Variants in GCC2 observed in about 807,000 individuals in gnomAD.
GCC2 encodes the protein GRIP and coiled-coil domain-containing protein 2.
GCC2 carries 120 observed loss-of-function variants against 210.6 expected under a neutral mutation model. The ratio of observed to expected loss-of-function variants is 0.57; its 90% CI spans 0.49 to 0.66. The LOEUF is 0.66. Among genes scored for constraint, GCC2 ranks in the 30% least tolerant of loss-of-function variants. The pLI is 0.00. For synonymous variants in GCC2, 703 were observed against 652.7 expected, an observed-to-expected ratio of 1.08 and a Z score of -1.17; for missense variants, 1,868 against 1,871.9, an observed-to-expected ratio of 1.00 and a Z score of 0.04.
chr2:108,471,865 GAGTT>G lies in GCC2; in HGVS notation c.2539_2542del (p.Leu847LysfsTer15), dbSNP rs781183137. 5 of 1,612,156 alleles carry G rather than the reference GAGTT, an allele frequency of 3.1e-6. No homozygotes were observed. Among genetic ancestry groups the G allele is most frequent in the Admixed American group, 1.7e-5 (1 of 59,550 alleles). ...GCAAGAGAAAGTTCTCTTAAGGAAAGAGTTAGAAGAAATACAGTCAGAAAAAGAG... is the reference window on the plus strand; with the variant it reads ...GCAAGAGAAAGTTCTCTTAAGGAAAGAGAAGAAATACAGTCAGAAAAAGAG... On this transcript the variant is annotated frameshift_variant, in exon 6 of 23. Coordinates refer to ENST00000309863, the MANE Select transcript of GCC2 (RefSeq NM_181453.4). LOFTEE classifies it high-confidence loss of function.
intron 4 of GCC2, among the ~76,000 whole-genome samples, chr2:108,467,001 A>G (rs1680929662): frequency 6.6e-6 from 1 of 152,144 alleles, no homozygotes; most frequent in Non-Finnish European, 1.5e-5. Context: ...CTTTGCTGAT[A>G]CTATATTGTC....
chr2:108,449,351 C>G lies in GCC2; in HGVS notation c.6+71C>G, dbSNP rs1195128268. The G allele has an allele frequency of 4.6e-6, 7 of 1,521,442 alleles. No individual in the cohort carries two copies. The African/African-American group carries it at 9.7e-5, about 21-fold the overall frequency. 94.2% of individuals were successfully genotyped at this position (1,521,442 alleles called of 1,614,324 possible). Reference sequence around the variant, plus strand: ...GCGATTTGGGATGTGGGAGTGGGCCCGATGGGAGGGCGCGGTAGTCTCCCT... The same window carrying G: ...GCGATTTGGGATGTGGGAGTGGGCCGGATGGGAGGGCGCGGTAGTCTCCCT... On this transcript the variant is annotated intron_variant, in intron 1 of 22. Coordinates refer to ENST00000309863, the MANE Select transcript of GCC2 (RefSeq NM_181453.4).
At chr2:108,506,071 C>A (rs1442846541) in intron 22 of GCC2, among the ~76,000 whole-genome samples, 1 of 152,026 alleles carries the variant, frequency 6.6e-6, no homozygotes, top group Non-Finnish European at 1.5e-5. Flanking sequence ...TATGCACAAA[C>A]CTTGTGAATA....
At chr2:108,467,480 TA>T (rs1328182625) in intron 4 of GCC2, among the ~76,000 whole-genome samples, 3 of 152,172 alleles carry the variant, frequency 2.0e-5, no homozygotes, top group South Asian at 4.1e-4. Flanking sequence ...CCTCATGTCT[TA>T]TTTTTTTATT....
At position 108,454,059 on chromosome 2, in the gene GCC2, C is replaced by T. The variant is rs539016283; in HGVS notation, c.216+1593C>T. On this transcript the variant is annotated intron_variant, in intron 4 of 22. Transcript: ENST00000309863. Reference sequence around the variant, plus strand: ...AGGCTGGAGTGCAGTGGCACAATCTCGGCTCACCGCAAGCTCCGCCTCCTG... The same window carrying T: ...AGGCTGGAGTGCAGTGGCACAATCTTGGCTCACCGCAAGCTCCGCCTCCTG... 1.4e-4 allele frequency among the ~76,000 whole-genome samples: 21 copies of T among 152,220 alleles called. 1 individual carries two copies. The South Asian group carries it at 3.9e-3, about 29-fold the overall frequency.
At chr2:108,507,031 TGTTAA>T (rs1023615441) in intron 22 of GCC2, among the ~76,000 whole-genome samples, 1 of 151,962 alleles carries the variant, frequency 6.6e-6, no homozygotes, top group Non-Finnish European at 1.5e-5. Flanking sequence ...GAAAATTAGC[TGTTAA>T]GTTGGCTCAA....
At chr2:108,501,888 A>G (rs1682944114) in intron 22 of GCC2, among the ~76,000 whole-genome samples, 1 of 152,152 alleles carries the variant, frequency 6.6e-6, no homozygotes, top group African/African-American at 2.4e-5. Context: ...TCTAATGATG[A>G]AGGAGGAATG....
chr2:108,469,973 C>T lies in GCC2; in HGVS notation c.644C>T (p.Thr215Ile), dbSNP rs1043247481. 6.2e-7 allele frequency: 1 copy of T among 1,612,902 alleles called. No homozygotes were observed. The highest frequency in any genetic ancestry group is 1.7e-5 in the Admixed American group (1 of 59,958). The change falls in exon 6 of 23, where the codon ACA becomes ATA. Residue 215 changes from threonine (T) to isoleucine (I), a missense_variant. This residue lies in a region of GCC2 where 1,847 missense variants were observed against 1,765.2 expected (regional missense o/e 1.05). Coordinates refer to ENST00000309863, the MANE Select transcript of GCC2 (RefSeq NM_181453.4). The part of the protein sequence containing the change: ...LDATTDEKKE[T>I]VTQLQNIIEA... ...GCTACCACTGATGAAAAGAAGGAAA[C>T]AGTTACTCAACTCCAAAATATCATT...
At position 108,508,883 on chromosome 2, in the gene GCC2, A is replaced by G. The variant is rs1043662482; in HGVS notation, c.*1253A>G. ...CTCTCTGAAGTTCTCTTAAGCCTTC[A>G]GTTTATACTCTTAATTTAATTTTCT... On this transcript the variant is annotated 3_prime_UTR_variant, in exon 23 of 23. Coordinates refer to ENST00000309863, the MANE Select transcript of GCC2 (RefSeq NM_181453.4). 1.7e-4 allele frequency: 26 copies of G among 152,648 alleles called. No individual in the cohort carries two copies. Among genetic ancestry groups the G allele is most frequent in the South Asian group, 1.7e-3 (8 of 4,832 alleles). The allele number at this position is 152,648 out of a possible 1,614,324, so 9.5% of individuals were successfully genotyped here.
chr2:108,505,830 T>C (rs1224885073), intron 22 of GCC2, among the ~76,000 whole-genome samples: 1 of 152,180 alleles, frequency 6.6e-6, no homozygotes, highest in Admixed American at 6.5e-5. Context: ...CTTTGTAATT[T>C]GTTACGCAGC....
In GCC2 at chr2:108,470,288, T is replaced by TGC; in HGVS notation, c.960_961dup (p.Gln321ArgfsTer7). On this transcript the variant is annotated frameshift_variant, in exon 6 of 23. Coordinates refer to ENST00000309863, the MANE Select transcript of GCC2 (RefSeq NM_181453.4). LOFTEE classifies it high-confidence loss of function. ...GACAATCAGATATGTTCTATTCTCT[T>TGC]GCAAGAAAATACATTTGTAGAACAA... 6.2e-7 allele frequency: 1 copy of TGC among 1,613,274 alleles called. No individual in the cohort carries two copies. Among genetic ancestry groups the TGC allele is most frequent in the Non-Finnish European group, 8.5e-7 (1 of 1,179,698 alleles).
rs762001026 is a variant in GCC2, at chr2:108,489,880, A to T, written c.4095A>T (p.Leu1365Phe). The T allele has an allele frequency of 2.2e-5, 35 of 1,608,474 alleles. No homozygotes were observed. The highest frequency in any genetic ancestry group is 2.8e-5 in the Non-Finnish European group (33 of 1,177,690). The change falls in exon 18 of 23, where the codon TTA (leucine) becomes TTT (phenylalanine). Residue 1365 changes from leucine (L) to phenylalanine (F), a missense_variant. Physicochemically the swap from Leu to Phe is conservative, Grantham distance 22 (BLOSUM62 0). This residue lies in a region of GCC2 where 1,847 missense variants were observed against 1,765.2 expected (regional missense o/e 1.05). Coordinates refer to ENST00000309863, the MANE Select transcript of GCC2 (RefSeq NM_181453.4). ...TGATTGACCAGCTAAAAATCAAATT[A>T]CAAGATAGCCAAAATAACTTACAGA... The part of the protein sequence containing the change: ...EMLIDQLKIK[L>F]QDSQNNLQIN...
chr2:108,449,804 C>G, intron 2 of GCC2, 115 bp downstream of exon 2: 3 of 734,976 alleles, frequency 4.1e-6, no homozygotes, highest in Non-Finnish European at 4.6e-6. Flanking sequence ...TAGCCTTGCT[C>G]CAAGGGATCT....
intron 19 of GCC2, chr2:108,493,377 T>C (rs1293101366): frequency 1.5e-5 from 14 of 954,732 alleles, no homozygotes; most frequent in Non-Finnish European, 1.7e-5. Context: ...CATGAGCCAC[T>C]GCGCCTGGCC....
intron 4 of GCC2, among the ~76,000 whole-genome samples, chr2:108,468,388 C>T (rs1030088157): frequency 6.6e-6 from 1 of 152,146 alleles, no homozygotes; most frequent in Non-Finnish European, 1.5e-5. Context: ...CTTCCTTTTA[C>T]ACTGTATTAT....
At chr2:108,487,896 TATG>T in intron 17 of GCC2, 76 bp downstream of exon 17, 2 of 1,302,552 alleles carry the variant, frequency 1.5e-6, no homozygotes, top group Non-Finnish European at 1.1e-6. Flanking sequence ...AAAATCCTAT[TATG>T]ATTTTTTTTT....
rs769829080 is a variant in GCC2 at position 108,483,186 on chromosome 2, T to C, written c.3450+20T>C. On this transcript the variant is annotated intron_variant, in intron 12 of 22. Transcript: ENST00000309863. ...AAAAAGGTAAAATAAAACACTAGGA[T>C]CAAAATTGATGTAATATTCACATTG... 1 of 1,094,458 alleles carries C rather than the reference T, an allele frequency of 9.1e-7. No individual in the cohort carries two copies. The highest frequency in any genetic ancestry group is 1.6e-5 in the African/African-American group (1 of 64,434). 67.8% of individuals were successfully genotyped at this position (1,094,458 alleles called of 1,614,324 possible).
Position 108,481,826 on chromosome 2 carries a change from T to A in GCC2, c.3180+10T>A. 1.3e-6 allele frequency: 2 copies of A among 1,540,296 alleles called. No individual in the cohort carries two copies. The highest frequency in any genetic ancestry group is 1.8e-6 in the Non-Finnish European group (2 of 1,142,650). The stretch of plus-strand genomic sequence containing the variant: ...AAATTCGACTTTGCAGGTAATTTTT[T>A]AATAAATCCAAAAATGAAAACTATA... On this transcript the variant is annotated intron_variant, in intron 10 of 22. Coordinates refer to ENST00000309863, the MANE Select transcript of GCC2 (RefSeq NM_181453.4).
rs1464261914 is a variant in GCC2 at position 108,507,868 on chromosome 2, C to T, written c.*238C>T. The T allele has an allele frequency of 2.8e-6, 1 of 357,580 alleles. No individual in the cohort carries two copies. The highest frequency in any genetic ancestry group is 5.3e-6 in the Non-Finnish European group (1 of 187,736). 22.2% of individuals were successfully genotyped at this position (357,580 alleles called of 1,614,324 possible). ...TCATGTGATTTCCCATGCATGCTGC[C>T]AGAATAAAACCACCAGGAATGAATT... On this transcript the variant is annotated 3_prime_UTR_variant, in exon 23 of 23. Transcript: ENST00000309863.
Sources: gnomAD v4.1 joint callset for allele counts (sites outside exome capture counted in the v4.1 genomes callset) on GRCh38, gnomAD v4.1.1 for gene constraint, gnomAD v4.1.1 regional missense constraint, MANE v1.5 for transcripts, NCBI Gene and HGNC (gene_info 2026-07-23, HGNC 2026-07-21) for gene names.